BEGAIN: variants seen among roughly 807,000 people sequenced by gnomAD.
The protein encoded by BEGAIN is brain-enriched guanylate kinase-associated protein.
In BEGAIN, 19 loss-of-function variants were observed where a neutral mutation model predicts 35.8. The observed-to-expected ratio is 0.53, with a 90% CI of 0.37 to 0.78. The LOEUF (loss-of-function observed/expected upper bound fraction) is 0.78, where lower values mean the gene tolerates loss of function less well. Ranked by LOEUF, BEGAIN falls within the 30% of genes least tolerant of loss-of-function variation. The probability of loss-of-function intolerance (pLI) is 0.00; values close to 1 mark genes in which losing one functional copy is unlikely to be tolerated. For missense variants in BEGAIN, 795 were observed against 853.6 expected, an observed-to-expected ratio of 0.93 and a Z score of 0.85; for synonymous variants, 462 against 388.6, an observed-to-expected ratio of 1.19 and a Z score of -2.22.
chr14:100,549,617 CG>C (rs1440941777), intron 2 of BEGAIN: 1 of 152,322 alleles, frequency 6.6e-6, no homozygotes, highest in Non-Finnish European at 1.5e-5. Flanking sequence ...AGCCCTGCCA[CG>C]GCAGCCTGTC....
rs994963424 is a variant in BEGAIN at position 100,580,462 on chromosome 14, G to A, written c.42+6787C>T. ...CCCGTGCTCCCCGCTGCCAAGGAAC[G>A]TCTCTCAGGTCCTGAATGTGCTAAG... On this transcript the variant is annotated intron_variant, in intron 1 of 6. Transcript: ENST00000554140. 5.3e-5 allele frequency among the ~76,000 whole-genome samples: 8 copies of A among 152,050 alleles called. No individual in the cohort carries two copies. The East Asian group carries it at 5.8e-4, about 11-fold the overall frequency.
rs755083022 is a variant in BEGAIN, at chr14:100,538,026, C to T, written c.1782G>A (p.Gly594=). The T allele has an allele frequency of 4.4e-6, 7 of 1,607,666 alleles. No individual in the cohort carries two copies. Among genetic ancestry groups the T allele is most frequent in the Non-Finnish European group, 5.9e-6 (7 of 1,178,216 alleles). Residue 594 remains glycine (G), a synonymous_variant, in exon 7 of 7, where the codon GGG becomes GGA. Coordinates refer to ENST00000554140, the MANE Select transcript of BEGAIN (RefSeq NM_001385089.1). ...TGGTGAGGCTGTCCTTGCGGCTCAG[C>T]CCCGAGCCACCAGTCCGCGGAAAGG... ...QQAFPRTGGS[G]LSRKDSLTKA... is the part of the protein sequence containing the mutation.
chr14:100,572,643 C>T (rs934537774), intron 1 of BEGAIN, among the ~76,000 whole-genome samples: 9 of 152,144 alleles, frequency 5.9e-5, no homozygotes, highest in Non-Finnish European at 4.4e-5. Flanking sequence ...GGGGGTTGGG[C>T]CTTCTCCGCA....
At chr14:100,566,917 C>T (rs2034729645) in intron 2 of BEGAIN, among the ~76,000 whole-genome samples, 1 of 152,194 alleles carries the variant, frequency 6.6e-6, no homozygotes, top group African/African-American at 2.4e-5. Context: ...TGTTTCCAAG[C>T]CACTCACCCA....
chr14:100,577,197 T>C (rs1048446947), intron 1 of BEGAIN: 1 of 397,776 alleles, frequency 2.5e-6, no homozygotes, highest in Non-Finnish European at 4.4e-6. Context: ...TTAAGGTCTT[T>C]CCCGTTACAA....
intron 1 of BEGAIN, among the ~76,000 whole-genome samples, chr14:100,580,742 C>G (rs931752383): frequency 2.0e-5 from 3 of 152,204 alleles, no homozygotes; most frequent in Non-Finnish European, 4.4e-5. Context: ...AATGTAACTT[C>G]CACTGTATCC....
At position 100,537,884 on chromosome 14, in the gene BEGAIN, G is replaced by C; in HGVS notation, c.*85C>G. ...TTGTTGGCCGGGGCAGGGGAACAGC[G>C]GGGGCTGGGGAGAGGTGAGGCCGGC... On this transcript the variant is annotated 3_prime_UTR_variant, in exon 7 of 7. Coordinates refer to ENST00000554140, the MANE Select transcript of BEGAIN (RefSeq NM_001385089.1). 8 of 1,478,054 alleles carry C rather than the reference G, an allele frequency of 5.4e-6. No homozygotes were observed. The highest frequency in any genetic ancestry group is 7.2e-6 in the Non-Finnish European group (8 of 1,112,402). The allele number at this position is 1,478,054 out of a possible 1,614,324, so 91.6% of individuals were successfully genotyped here.
rs1051248387 is a variant in BEGAIN at position 100,563,078 on chromosome 14, G to A, written c.71+4833C>T. ...GCAGGACAGGGTCAGGACCTTCGAG[G>A]CCACCTGCTCTCCATCTGTCTCCAT... is the stretch of plus-strand genomic sequence containing the variant. On this transcript the variant is annotated intron_variant, in intron 2 of 6. Transcript: ENST00000554140. The surrounding 1 kb of genome is among the most constrained non-coding windows in gnomAD (Gnocchi z 4.2). Among the ~76,000 whole-genome samples the A allele has an allele frequency of 6.6e-6, 1 of 152,198 alleles. No individual in the cohort carries two copies. Among genetic ancestry groups the A allele is most frequent in the Non-Finnish European group, 1.5e-5 (1 of 68,036 alleles).
chr14:100,566,440 C>A (rs1411849973), intron 2 of BEGAIN, among the ~76,000 whole-genome samples: 5 of 152,224 alleles, frequency 3.3e-5, no homozygotes, highest in Admixed American at 3.3e-4. Context: ...GCAGGGAACC[C>A]CCAGGCTGGC....
At chr14:100,583,042 A>C (rs187928672) in intron 1 of BEGAIN, among the ~76,000 whole-genome samples, 31 of 150,274 alleles carry the variant, frequency 2.1e-4, no homozygotes, top group Non-Finnish European at 4.0e-4. Flanking sequence ...ACCCATTTAC[A>C]GGTGCCATCC....
chr14:100,539,638 T>G (rs2031256849), intron 6 of BEGAIN, among the ~76,000 whole-genome samples: 1 of 151,772 alleles, frequency 6.6e-6, no homozygotes, highest in Non-Finnish European at 1.5e-5. Context: ...CAGGCCCCAC[T>G]CAAGGCTCCA....
In BEGAIN at chr14:100,568,391, C is replaced by A; in HGVS notation, c.43-452G>T. The stretch of plus-strand genomic sequence containing the variant: ...CCCCGGAATCGCAGAACCTCCGAGT[C>A]GGAGAATGTTGGGGAATTCGGGGCC... On this transcript the variant is annotated intron_variant, in intron 1 of 6. Coordinates refer to ENST00000554140, the MANE Select transcript of BEGAIN (RefSeq NM_001385089.1). The surrounding 1 kb of genome is among the most constrained non-coding windows in gnomAD (Gnocchi z 7.5). 2 of 1,235,972 alleles carry A rather than the reference C, an allele frequency of 1.6e-6. No individual in the cohort carries two copies. Among genetic ancestry groups the A allele is most frequent in the South Asian group, 1.3e-5 (1 of 76,464 alleles). The allele number at this position is 1,235,972 out of a possible 1,614,324, so 76.6% of individuals were successfully genotyped here. A position where few individuals can be genotyped will look rare whatever the true frequency, so the allele number is the denominator to read the frequency against.
intron 1 of BEGAIN, chr14:100,569,017 G>T: frequency 1.1e-6 from 1 of 906,316 alleles, no homozygotes; most frequent in Non-Finnish European, 1.3e-6. Context: ...CGCCCCGCCG[G>T]GCGAGGGCGC....
At chr14:100,570,303 T>C (rs111891361) in intron 1 of BEGAIN, among the ~76,000 whole-genome samples, 2,493 of 152,076 alleles carry the variant, frequency 0.016, 54 homozygotes, top group African/African-American at 0.048. Context: ...GCAGGGGAGG[T>C]TGCTGAGCTG....
chr14:100,581,010 A>G (rs1475705095), intron 1 of BEGAIN, among the ~76,000 whole-genome samples: 1 of 152,120 alleles, frequency 6.6e-6, no homozygotes, highest in African/African-American at 2.4e-5. Flanking sequence ...CCCCAGCAGC[A>G]GCCGTTCAGC....
chr14:100,567,290 C>G lies in BEGAIN; in HGVS notation c.71+621G>C, dbSNP rs2034770535. Among the ~76,000 whole-genome samples the G allele has an allele frequency of 6.6e-6, 1 of 152,182 alleles. No homozygotes were observed. The highest frequency in any genetic ancestry group is 1.5e-5 in the Non-Finnish European group (1 of 68,012). ...TGCCGCGCAGGTGGTCCCGTGAAGTCTACCAAGGCTTAAAGTTTGGCACCG... is the reference window on the plus strand; with the variant it reads ...TGCCGCGCAGGTGGTCCCGTGAAGTGTACCAAGGCTTAAAGTTTGGCACCG... On this transcript the variant is annotated intron_variant, in intron 2 of 6. Transcript: ENST00000554140. This position sits in a 1 kb window ranked among gnomAD's most constrained non-coding sequence, Gnocchi z 5.1.
chr14:100,574,153 A>G (rs1315189465), intron 1 of BEGAIN, among the ~76,000 whole-genome samples: 1 of 152,202 alleles, frequency 6.6e-6, no homozygotes, highest in Non-Finnish European at 1.5e-5. Flanking sequence ...CCTCCGCTGC[A>G]GTCCCAAATG....
At chr14:100,562,920 C>T (rs1428966407) in intron 2 of BEGAIN, among the ~76,000 whole-genome samples, 2 of 152,254 alleles carry the variant, frequency 1.3e-5, no homozygotes, top group African/African-American at 4.8e-5. Flanking sequence ...CGACAGCAGC[C>T]TCTGGTGCTC....
At chr14:100,579,279 G>A (rs908786269) in intron 1 of BEGAIN, among the ~76,000 whole-genome samples, 2 of 152,244 alleles carry the variant, frequency 1.3e-5, no homozygotes, top group African/African-American at 4.8e-5. Context: ...GGGTTAGGGT[G>A]AGAAAAAGCA....
Sources: gnomAD v4.1 joint callset for allele counts (sites outside exome capture counted in the v4.1 genomes callset) on GRCh38, gnomAD v4.1.1 for gene constraint, Gnocchi (gnomAD v3.1) non-coding constraint, MANE v1.5 for transcripts, NCBI Gene and HGNC (gene_info 2026-07-23, HGNC 2026-07-21) for gene names.